Variants in LRRIQ1 observed in about 807,000 individuals in gnomAD.
The protein encoded by LRRIQ1 is leucine rich repeats and IQ motif containing 1, also known as leucine-rich repeat- and IQ domain-containing protein 1.
In LRRIQ1, 210 loss-of-function variants were observed where a neutral mutation model predicts 211.9. The ratio of observed to expected loss-of-function variants is 0.99; its 90% CI spans 0.89 to 1.11. The LOEUF is 1.11. Among genes scored for constraint, LRRIQ1 ranks in the 50% most tolerant of loss-of-function variants. The probability of loss-of-function intolerance (pLI) is 0.00; values close to 1 mark genes in which losing one functional copy is unlikely to be tolerated. For missense variants in LRRIQ1, 2,136 were observed against 1,939.5 expected (o/e 1.10, Z -1.90); for synonymous variants, 699 against 650.1 (o/e 1.08, Z -1.14).
Position 85,158,588 on chromosome 12 carries a change from A to AAAT in LRRIQ1, c.4721-2019_4721-2017dup, listed in dbSNP as rs1184806569. On this transcript the variant is annotated intron_variant, in intron 23 of 26. Transcript: ENST00000393217. ...TAACTAAAATTATATTATTTAAATGAAATAATAAACTGTTAAGTATAGAGA... is the reference window on the plus strand; with the variant it reads ...TAACTAAAATTATATTATTTAAATGAAATAATAATAAACTGTTAAGTATAGAGA... 2.6e-5 allele frequency among the ~76,000 whole-genome samples: 4 copies of AAAT among 152,034 alleles called. No homozygotes were observed. In the East Asian group the frequency reaches 7.7e-4, roughly 29 times the overall value.
At position 85,152,380 on chromosome 12, in the gene LRRIQ1, A is replaced by G; in HGVS notation, c.4419+11A>G. The G allele has an allele frequency of 6.2e-7, 1 of 1,604,292 alleles. No individual in the cohort carries two copies. The highest frequency in any genetic ancestry group is 8.5e-7 in the Non-Finnish European group (1 of 1,173,460). On this transcript the variant is annotated intron_variant, in intron 20 of 26. Coordinates refer to ENST00000393217, the MANE Select transcript of LRRIQ1 (RefSeq NM_001079910.2). Reference sequence around the variant, plus strand: ...CTGCATTGGCCAAAGGTAACATGTCATGGAAACTTCTGAGTCCTCGATCTT... The same window carrying G: ...CTGCATTGGCCAAAGGTAACATGTCGTGGAAACTTCTGAGTCCTCGATCTT...
chr12:85,214,154 A>G (rs1893967747), intron 24 of LRRIQ1, among the ~76,000 whole-genome samples: 1 of 152,086 alleles, frequency 6.6e-6, no homozygotes, highest in African/African-American at 2.4e-5. Flanking sequence ...TTAATCAAAT[A>G]TTGAAGATAC....
intron 15 of LRRIQ1, among the ~76,000 whole-genome samples, chr12:85,114,287 A>G (rs1887409837): frequency 6.6e-6 from 1 of 152,064 alleles, no homozygotes; most frequent in African/African-American, 2.4e-5. Flanking sequence ...AGCCTAGATG[A>G]CAAATAAAAA....
intron 24 of LRRIQ1, among the ~76,000 whole-genome samples, chr12:85,168,789 C>A (rs1320454153): frequency 6.6e-6 from 1 of 152,152 alleles, no homozygotes; most frequent in East Asian, 1.9e-4. Context: ...AAAGGCCATT[C>A]CACCATTCTA....
At chr12:85,205,915 G>T (rs1893521152) in intron 24 of LRRIQ1, among the ~76,000 whole-genome samples, 2 of 152,264 alleles carry the variant, frequency 1.3e-5, no homozygotes, top group Non-Finnish European at 1.5e-5. Flanking sequence ...TGATTGTATT[G>T]TGAAATTCTT....
intron 24 of LRRIQ1, among the ~76,000 whole-genome samples, chr12:85,195,111 A>G (rs1892825167): frequency 6.6e-6 from 1 of 152,138 alleles, no homozygotes; most frequent in South Asian, 2.1e-4. Flanking sequence ...CACTCTCCCA[A>G]GACTAAACCA....
chr12:85,209,719 G>A (rs974279119), intron 24 of LRRIQ1, among the ~76,000 whole-genome samples: 1 of 152,004 alleles, frequency 6.6e-6, no homozygotes, highest in Non-Finnish European at 1.5e-5. Context: ...GCTGCCACAG[G>A]AGAAAAGAGC....
chr12:85,089,614 A>T (rs1023147030), intron 11 of LRRIQ1, among the ~76,000 whole-genome samples: 3 of 152,182 alleles, frequency 2.0e-5, no homozygotes, highest in Non-Finnish European at 2.9e-5. Flanking sequence ...GGGCATTTGG[A>T]CTTGAAAGTG....
chr12:85,124,660 A>G, intron 17 of LRRIQ1, 141 bp downstream of exon 17: 1 of 666,154 alleles, frequency 1.5e-6, no homozygotes, highest in South Asian at 1.9e-5. Flanking sequence ...TGTTTTCGTG[A>G]GGTGCATTAT....
chr12:85,169,557 T>C (rs1891313799), intron 24 of LRRIQ1, among the ~76,000 whole-genome samples: 2 of 152,334 alleles, frequency 1.3e-5, no homozygotes, highest in East Asian at 1.9e-4. Flanking sequence ...CTTTATTATT[T>C]TGTAGCTTTC....
At chr12:85,054,601 T>A (rs1880755533) in intron 7 of LRRIQ1, among the ~76,000 whole-genome samples, 1 of 152,166 alleles carries the variant, frequency 6.6e-6, no homozygotes, top group African/African-American at 2.4e-5. Flanking sequence ...CTCCGACATA[T>A]AATTTTTATC....
chr12:85,182,538 A>G (rs1892031480), intron 24 of LRRIQ1, among the ~76,000 whole-genome samples: 1 of 152,138 alleles, frequency 6.6e-6, no homozygotes, highest in South Asian at 2.1e-4. Flanking sequence ...TGAGATCCCT[A>G]TCTTGAGATG....
intron 8 of LRRIQ1, among the ~76,000 whole-genome samples, chr12:85,061,667 A>G (rs964454400): frequency 6.6e-6 from 1 of 151,774 alleles, no homozygotes; most frequent in Non-Finnish European, 1.5e-5. Flanking sequence ...TGAATTTTCA[A>G]TTCTTGAGTG....
intron 24 of LRRIQ1, among the ~76,000 whole-genome samples, chr12:85,185,501 A>T (rs1435032287): frequency 1.3e-5 from 2 of 151,966 alleles, no homozygotes; most frequent in African/African-American, 2.4e-5. Flanking sequence ...AATAAAATTT[A>T]TACCATAATA....
In LRRIQ1 at chr12:85,192,614, T is replaced by C. The variant is rs1201727014; in HGVS notation, c.4822+31900T>C. Among the ~76,000 whole-genome samples, 48 of 108,674 alleles carry C rather than the reference T, an allele frequency of 4.4e-4. 12 individuals are homozygous for C. The highest frequency in any genetic ancestry group is 1.9e-3 in the African/African-American group (46 of 24,696). The allele number at this position is 108,674 out of a possible 152,430, so 71.3% of individuals were successfully genotyped here. On this transcript the variant is annotated intron_variant, in intron 24 of 26. Coordinates refer to ENST00000393217, the MANE Select transcript of LRRIQ1 (RefSeq NM_001079910.2). ...CTATAATTGTGTATATATAGTTATA[T>C]ACTATAATTATAAATAAATATATAT...
chr12:85,098,493 T>G lies in LRRIQ1; in HGVS notation c.3026T>G (p.Val1009Gly). The stretch of plus-strand genomic sequence containing the variant: ...AATCATCTTACTGATGTAGAGGGCG[T>G]TGAAAATTGTGGATTGCTCCAAATA... ...SHNHLTDVEGVENCGLLQILK... is the reference protein window; with the variant it reads ...SHNHLTDVEGGENCGLLQILK... The change falls in exon 12 of 27, where the codon GTT (valine) becomes GGT (glycine). Residue 1009 changes from valine to glycine, a missense_variant. Transcript: ENST00000393217. 1.2e-6 allele frequency: 2 copies of G among 1,611,708 alleles called. No homozygotes were observed. Among genetic ancestry groups the G allele is most frequent in the Non-Finnish European group, 1.7e-6 (2 of 1,178,952 alleles).
chr12:85,076,190 T>G (rs1883632828), intron 11 of LRRIQ1, among the ~76,000 whole-genome samples: 2 of 152,032 alleles, frequency 1.3e-5, no homozygotes, highest in South Asian at 4.1e-4. Context: ...TTTCTGGGGA[T>G]GTAGCAATAA....
chr12:85,229,175 C>G (rs760667411), intron 24 of LRRIQ1, among the ~76,000 whole-genome samples: 22 of 152,060 alleles, frequency 1.4e-4, no homozygotes, highest in Non-Finnish European at 2.8e-4. Flanking sequence ...CCTGAAAAGA[C>G]AGATAGGGAA....
chr12:85,113,978 T>G (rs1037829155), intron 15 of LRRIQ1, among the ~76,000 whole-genome samples: 3 of 151,380 alleles, frequency 2.0e-5, no homozygotes, highest in Non-Finnish European at 4.4e-5. Context: ...TCTAGACCTT[T>G]CGTGCACTGG....
Sources: allele counts gnomAD v4.1 joint callset (sites outside exome capture counted in the v4.1 genomes callset), GRCh38; gene constraint gnomAD v4.1.1; transcripts MANE v1.5; gene names NCBI Gene and HGNC (gene_info 2026-07-23, HGNC 2026-07-21).